The following VSNL1 variants were observed in gnomAD, a reference collection of about 807,000 sequenced individuals.
VSNL1 encodes the protein visinin-like protein 1.
A neutral mutation model predicts 20.4 loss-of-function variants in VSNL1; 6 were observed. The observed-to-expected ratio is 0.29, with a 90% confidence interval of 0.16 to 0.58. The LOEUF is 0.58. Ranked by LOEUF, VSNL1 falls within the 20% of genes least tolerant of loss-of-function variation. VSNL1 has a pLI of 0.90. For synonymous variants in VSNL1, 93 were observed against 86.4 expected (o/e 1.08, Z -0.42); for missense variants, 100 against 234.5 (o/e 0.43, Z 3.75).
At chr2:17,622,597 AAAGAAAAG>A (rs1176167921) in intron 2 of VSNL1, among the ~76,000 whole-genome samples, 13 of 138,316 alleles carry the variant, frequency 9.4e-5, no homozygotes, top group South Asian at 4.7e-4. Context: ...AGAAAGAAAG[AAAGAAAAG>A]AAAGAAAGAT....
chr2:17,542,665 G>C (rs566297081), intron 1 of VSNL1, among the ~76,000 whole-genome samples: 1 of 152,196 alleles, frequency 6.6e-6, no homozygotes, highest in South Asian at 2.1e-4. Context: ...TGTCATAATT[G>C]AGCCATACTC....
chr2:17,578,045 C>G (rs1230939725), intron 1 of VSNL1, among the ~76,000 whole-genome samples: 1 of 152,118 alleles, frequency 6.6e-6, no homozygotes, highest in East Asian at 1.9e-4. Context: ...ATAGTGAGCA[C>G]TTGATCATAT....
intron 2 of VSNL1, among the ~76,000 whole-genome samples, chr2:17,641,919 T>C (rs1665890374): frequency 6.6e-6 from 1 of 152,204 alleles, no homozygotes; most frequent in African/African-American, 2.4e-5. Flanking sequence ...GGTAGGTGCT[T>C]TGGTCAATGA....
chr2:17,656,041 G>A lies in VSNL1; in HGVS notation c.*647G>A, dbSNP rs940137553. On this transcript the variant is annotated 3_prime_UTR_variant, in exon 4 of 4. Coordinates refer to ENST00000295156, the MANE Select transcript of VSNL1 (RefSeq NM_003385.5). ...CCCTGCTAAATGACTTATTGATTAA[G>A]TATATCTATCTATATATACATATAC... 4.6e-5 allele frequency: 7 copies of A among 152,576 alleles called. No individual in the cohort carries two copies. The highest frequency in any genetic ancestry group is 1.7e-4 in the African/African-American group (7 of 41,406). The allele number at this position is 152,576 out of a possible 1,614,324, so 9.5% of individuals were successfully genotyped here. A position where few individuals can be genotyped will look rare whatever the true frequency, so the allele number is the denominator to read the frequency against.
chr2:17,596,560 C>T (rs550353900), intron 2 of VSNL1, among the ~76,000 whole-genome samples: 1 of 152,212 alleles, frequency 6.6e-6, no homozygotes, highest in Admixed American at 6.5e-5. Flanking sequence ...GGTGCCATTG[C>T]TATTTTGCTT....
chr2:17,567,377 T>TTTTTA (rs1558284156), intron 1 of VSNL1: 1 of 147,486 alleles, frequency 6.8e-6, no homozygotes, highest in Admixed American at 6.8e-5. Context: ...TTTTTTTTTT[T>TTTTTA]AGAAGGAGTC....
At position 17,563,035 on chromosome 2, in the gene VSNL1, A is replaced by G. The variant is rs374938800; in HGVS notation, c.-6+22117A>G. On this transcript the variant is annotated intron_variant, in intron 1 of 3. Transcript: ENST00000295156. The stretch of plus-strand genomic sequence containing the variant: ...AAACAGCTTAACACTACCTCCTTGA[A>G]CTTGAAGTATGAATAGAGCCATTTC... Among the ~76,000 whole-genome samples, 11 of 152,300 alleles carry G rather than the reference A, an allele frequency of 7.2e-5. No individual in the cohort carries two copies. The East Asian group carries it at 2.1e-3, about 29-fold the overall frequency.
intron 1 of VSNL1, among the ~76,000 whole-genome samples, chr2:17,562,501 A>G (rs1039972051): frequency 6.6e-6 from 1 of 152,208 alleles, no homozygotes; most frequent in Non-Finnish European, 1.5e-5. Context: ...AGCAAAAAGC[A>G]TTTGGTCCCT....
chr2:17,632,700 A>G (rs1665664611), intron 2 of VSNL1, among the ~76,000 whole-genome samples: 1 of 152,222 alleles, frequency 6.6e-6, no homozygotes, highest in African/African-American at 2.4e-5. Context: ...TGTACTATCT[A>G]TAGAGTAAGA....
At chr2:17,573,573 A>G (rs1042157463) in intron 1 of VSNL1, among the ~76,000 whole-genome samples, 2 of 152,230 alleles carry the variant, frequency 1.3e-5, no homozygotes, top group Non-Finnish European at 2.9e-5. Flanking sequence ...ATGGAGCAAC[A>G]TAGGCTGACT....
chr2:17,572,144 A>G (rs1664099071), intron 1 of VSNL1, among the ~76,000 whole-genome samples: 1 of 152,220 alleles, frequency 6.6e-6, no homozygotes, highest in South Asian at 2.1e-4. Context: ...TTCACTCTCA[A>G]AGTATGCTTT....
At chr2:17,605,874 A>C (rs1391146920) in intron 2 of VSNL1, among the ~76,000 whole-genome samples, 4 of 152,250 alleles carry the variant, frequency 2.6e-5, no homozygotes, top group Non-Finnish European at 5.9e-5. Context: ...TTCTAAAGTA[A>C]ATCAAAGGAT....
At chr2:17,595,949 T>C (rs1421105821) in intron 2 of VSNL1, among the ~76,000 whole-genome samples, 1 of 152,226 alleles carries the variant, frequency 6.6e-6, no homozygotes, top group Non-Finnish European at 1.5e-5. Flanking sequence ...CTGTATAACG[T>C]TATATTGTTC....
chr2:17,644,410 G>C (rs1157699379), intron 2 of VSNL1, among the ~76,000 whole-genome samples: 4 of 152,194 alleles, frequency 2.6e-5, no homozygotes, highest in Non-Finnish European at 5.9e-5. Flanking sequence ...AGCCCAGTAG[G>C]CCTAAAGCAA....
chr2:17,588,187 A>G (rs1664522248), intron 1 of VSNL1, among the ~76,000 whole-genome samples: 1 of 152,236 alleles, frequency 6.6e-6, no homozygotes. Context: ...TTCTTCGGTA[A>G]TAAACACTTA....
intron 2 of VSNL1, among the ~76,000 whole-genome samples, chr2:17,630,379 C>A (rs892796778): frequency 2.6e-5 from 4 of 152,212 alleles, no homozygotes; most frequent in African/African-American, 9.6e-5. Context: ...TGGCAGTTCA[C>A]ACTGCAGAAG....
chr2:17,552,211 A>AC (rs1663558880), intron 1 of VSNL1, among the ~76,000 whole-genome samples: 1 of 151,430 alleles, frequency 6.6e-6, no homozygotes, highest in African/African-American at 2.4e-5. Flanking sequence ...AAAAAAAAAA[A>AC]ACAAAAAAAA....
At chr2:17,644,337 GGAGTTA>G in intron 2 of VSNL1, among the ~76,000 whole-genome samples, 1 of 152,346 alleles carries the variant, frequency 6.6e-6, no homozygotes, top group African/African-American at 2.4e-5. Context: ...CCCAGGACAA[GGAGTTA>G]GAGGTGAGCT....
intron 1 of VSNL1, among the ~76,000 whole-genome samples, chr2:17,569,985 T>C (rs1664043991): frequency 6.6e-6 from 1 of 152,216 alleles, no homozygotes. Flanking sequence ...TGTTTTAAAG[T>C]TTTTATTTTG....
Sources: allele counts gnomAD v4.1 joint callset (sites outside exome capture counted in the v4.1 genomes callset), GRCh38; gene constraint gnomAD v4.1.1; transcripts MANE v1.5; gene names NCBI Gene and HGNC (gene_info 2026-07-23, HGNC 2026-07-21).